Variants in EPHA3 observed in about 807,000 individuals in gnomAD.
EPHA3 encodes EPH receptor A3.
EPHA3 carries 42 observed loss-of-function variants against 107.1 expected under a neutral mutation model. The observed-to-expected ratio is 0.39, with a 90% CI of 0.31 to 0.51. The LOEUF (loss-of-function observed/expected upper bound fraction) is 0.51. EPHA3 is among the 20% of genes least tolerant of loss of function. EPHA3 has a pLI of 0.78. For missense variants in EPHA3, 1,183 were observed against 1,211.2 expected (o/e 0.98, Z 0.35); for synonymous variants, 461 against 424.8 (o/e 1.09, Z -1.05).
At chr3:89,311,536 A>T (rs1442136407) in intron 3 of EPHA3, among the ~76,000 whole-genome samples, 1 of 151,984 alleles carries the variant, frequency 6.6e-6, no homozygotes, top group Non-Finnish European at 1.5e-5. Flanking sequence ...AATAAATTAT[A>T]ATCATAATTG....
At chr3:89,185,917 A>G (rs1201311800) in intron 2 of EPHA3, among the ~76,000 whole-genome samples, 1 of 152,014 alleles carries the variant, frequency 6.6e-6, no homozygotes, top group Non-Finnish European at 1.5e-5. Flanking sequence ...CTCATTGTCT[A>G]TTACTCAAAT....
At chr3:89,165,227 T>C (rs1238441950) in intron 2 of EPHA3, among the ~76,000 whole-genome samples, 1 of 152,146 alleles carries the variant, frequency 6.6e-6, no homozygotes, top group Non-Finnish European at 1.5e-5. Flanking sequence ...GAAAGCTGAA[T>C]GAGAACACAA....
Position 89,249,408 on chromosome 3 carries a change from C to T in EPHA3, c.814+38888C>T, listed in dbSNP as rs570291648. Reference sequence around the variant, plus strand: ...TCTTTGTTAGTACAGTTTCATTCATCGTTATTAGCTTCTGATCAAGCAGTT... The same window carrying T: ...TCTTTGTTAGTACAGTTTCATTCATTGTTATTAGCTTCTGATCAAGCAGTT... On this transcript the variant is annotated intron_variant, in intron 3 of 16. Transcript: ENST00000336596. Among the ~76,000 whole-genome samples the T allele has an allele frequency of 1.2e-4, 19 of 152,116 alleles. No individual in the cohort carries two copies. The South Asian group carries it at 3.3e-3, about 27-fold the overall frequency.
At chr3:89,175,721 C>T (rs1576205376) in intron 2 of EPHA3, among the ~76,000 whole-genome samples, 1 of 152,206 alleles carries the variant, frequency 6.6e-6, no homozygotes, top group East Asian at 1.9e-4. Flanking sequence ...TAAAATACTT[C>T]CTAAAAGGAC....
chr3:89,257,084 G>A (rs1400370295), intron 3 of EPHA3, among the ~76,000 whole-genome samples: 2 of 152,140 alleles, frequency 1.3e-5, no homozygotes. Flanking sequence ...CACCATGTTT[G>A]AACAACTTCA....
chr3:89,144,698 A>G (rs1704497887), intron 2 of EPHA3, among the ~76,000 whole-genome samples: 1 of 151,754 alleles, frequency 6.6e-6, no homozygotes. Flanking sequence ...GGAGTGCTGA[A>G]TACTAGGCTT....
At chr3:89,204,632 G>A (rs1034043530) in intron 2 of EPHA3, among the ~76,000 whole-genome samples, 7 of 151,890 alleles carry the variant, frequency 4.6e-5, no homozygotes, top group Non-Finnish European at 8.8e-5. Flanking sequence ...GTGTGTGTGT[G>A]TGTGTACTTT....
At chr3:89,369,798 A>G (rs1334181401) in intron 5 of EPHA3, among the ~76,000 whole-genome samples, 5 of 149,990 alleles carry the variant, frequency 3.3e-5, no homozygotes, top group Non-Finnish European at 5.9e-5. Flanking sequence ...ATGAACTCAA[A>G]CAAATTTACA....
intron 2 of EPHA3, among the ~76,000 whole-genome samples, chr3:89,141,516 C>T (rs1421060423): frequency 6.6e-6 from 1 of 151,520 alleles, no homozygotes; most frequent in Non-Finnish European, 1.5e-5. Context: ...CAATGTTTCC[C>T]AAACTTTAGA....
intron 9 of EPHA3, among the ~76,000 whole-genome samples, chr3:89,412,340 T>C (rs2107521189): frequency 6.6e-6 from 1 of 151,758 alleles, no homozygotes; most frequent in East Asian, 1.9e-4. Flanking sequence ...ATAAATATAA[T>C]ATGAAGGAGA....
At chr3:89,292,923 G>A (rs1389719247) in intron 3 of EPHA3, among the ~76,000 whole-genome samples, 1 of 152,146 alleles carries the variant, frequency 6.6e-6, no homozygotes, top group African/African-American at 2.4e-5. Flanking sequence ...ATGTCGACAT[G>A]TTTTCCATAG....
rs941423442 is a variant in EPHA3, at chr3:89,346,799, G to A, written c.1306+4709G>A. Among the ~76,000 whole-genome samples the A allele has an allele frequency of 3.4e-3, 492 of 143,642 alleles. 15 individuals carry two copies. In the East Asian group the frequency reaches 0.063, roughly 18 times the overall value. The allele number at this position is 143,642 out of a possible 152,430, so 94.2% of individuals were successfully genotyped here. On this transcript the variant is annotated intron_variant, in intron 5 of 16. Transcript: ENST00000336596. ...CATCTTGAATTGATTTTTGTATAAG[G>A]TGTAAGGAAGGGATCCAGTTTCAGC...
At chr3:89,324,908 G>T (rs1376599306) in intron 3 of EPHA3, among the ~76,000 whole-genome samples, 1 of 152,084 alleles carries the variant, frequency 6.6e-6, no homozygotes, top group East Asian at 1.9e-4. Context: ...TTATATTTGC[G>T]AGTACCCAGT....
intron 5 of EPHA3, among the ~76,000 whole-genome samples, chr3:89,360,737 C>A (rs146762222): frequency 6.6e-6 from 1 of 150,968 alleles, no homozygotes; most frequent in Non-Finnish European, 1.5e-5. Context: ...AAAAACAAGC[C>A]TCTTATAACT....
chr3:89,266,040 T>C (rs1351325532), intron 3 of EPHA3, among the ~76,000 whole-genome samples: 6 of 152,158 alleles, frequency 3.9e-5, no homozygotes, highest in Non-Finnish European at 1.5e-5. Flanking sequence ...ATAAACACAA[T>C]TAAATTCCTA....
chr3:89,221,120 G>A (rs1704362440), intron 3 of EPHA3, among the ~76,000 whole-genome samples: 1 of 152,168 alleles, frequency 6.6e-6, no homozygotes, highest in Admixed American at 6.5e-5. Flanking sequence ...TATGCTTCCT[G>A]GCAGAGAGAG....
At chr3:89,352,316 T>A (rs1707845265) in intron 5 of EPHA3, among the ~76,000 whole-genome samples, 1 of 151,280 alleles carries the variant, frequency 6.6e-6, no homozygotes, top group African/African-American at 2.4e-5. Context: ...AATCCAATAA[T>A]TATTTTTGTT....
In EPHA3 at chr3:89,127,267, A is replaced by T; in HGVS notation, c.147A>T (p.Ser49=). Reference sequence around the variant, plus strand: ...AGCTGGGCTGGATCTCTTATCCATCACATGGGGTGAGTTCAATAAACTATC... The same window carrying T: ...AGCTGGGCTGGATCTCTTATCCATCTCATGGGGTGAGTTCAATAAACTATC... ...QGELGWISYP[S]HGWEEISGVD... Residue 49 remains serine (S), a synonymous_variant, in exon 2 of 17, where the codon TCA becomes TCT. Coordinates refer to ENST00000336596, the MANE Select transcript of EPHA3 (RefSeq NM_005233.6). The T allele has an allele frequency of 6.2e-7, 1 of 1,611,716 alleles. No individual in the cohort carries two copies. Among genetic ancestry groups the T allele is most frequent in the East Asian group, 2.2e-5 (1 of 44,774 alleles).
At chr3:89,218,905 T>C (rs1340400666) in intron 3 of EPHA3, among the ~76,000 whole-genome samples, 2 of 152,166 alleles carry the variant, frequency 1.3e-5, no homozygotes, top group Admixed American at 1.3e-4. Context: ...GTTCAACCAT[T>C]GTGGAAGTCG....
Sources: gnomAD v4.1 joint callset for allele counts (sites outside exome capture counted in the v4.1 genomes callset) on GRCh38, gnomAD v4.1.1 for gene constraint, MANE v1.5 for transcripts, NCBI Gene and HGNC (gene_info 2026-07-23, HGNC 2026-07-21) for gene names.